HADHA: variants seen among roughly 807,000 people sequenced by gnomAD.
HADHA encodes hydroxyacyl-CoA dehydrogenase trifunctional multienzyme complex subunit alpha, also known as trifunctional enzyme subunit alpha, mitochondrial.
HADHA carries 59 observed loss-of-function variants against 91.3 expected under a neutral mutation model. That is an observed-to-expected ratio of 0.65 (90% CI 0.52 to 0.80). The LOEUF (loss-of-function observed/expected upper bound fraction) is 0.80. Ranked by LOEUF, HADHA falls within the 30% of genes least tolerant of loss-of-function variation. The probability of loss-of-function intolerance (pLI) is 0.00; values close to 1 mark genes in which losing one functional copy is unlikely to be tolerated. For synonymous variants in HADHA, 320 were observed against 338.9 expected (o/e 0.94, Z 0.61); for missense variants, 800 against 927.6 (o/e 0.86, Z 1.79).
At chr2:26,219,378 G>A (rs1300797690) in intron 7 of HADHA, among the ~76,000 whole-genome samples, 5 of 152,196 alleles carry the variant, frequency 3.3e-5, no homozygotes, top group Admixed American at 2.6e-4. Context: ...TGTCCACCTC[G>A]GCCTCCCGAA....
At chr2:26,219,034 A>G (rs1670306514) in intron 7 of HADHA, among the ~76,000 whole-genome samples, 1 of 151,638 alleles carries the variant, frequency 6.6e-6, no homozygotes, top group African/African-American at 2.4e-5. Context: ...GAAAGAAAGA[A>G]AATAGACTGT....
chr2:26,235,539 A>T (rs1483184421), intron 4 of HADHA, among the ~76,000 whole-genome samples: 2 of 152,250 alleles, frequency 1.3e-5, no homozygotes, highest in Non-Finnish European at 2.9e-5. Flanking sequence ...ACTGCCAGGT[A>T]CATCAGTGTC....
chr2:26,240,887 C>T (rs1180070995), intron 1 of HADHA, among the ~76,000 whole-genome samples: 1 of 152,216 alleles, frequency 6.6e-6, no homozygotes, highest in African/African-American at 2.4e-5. Flanking sequence ...CACACTCATA[C>T]ACAAAACCTC....
intron 10 of HADHA, among the ~76,000 whole-genome samples, chr2:26,211,610 A>G (rs1670102943): frequency 6.6e-6 from 1 of 152,210 alleles, no homozygotes; most frequent in African/African-American, 2.4e-5. Context: ...ATATATGCAA[A>G]TATTCCACTA....
At chr2:26,228,737 T>C (rs984800495) in intron 7 of HADHA, among the ~76,000 whole-genome samples, 1 of 152,200 alleles carries the variant, frequency 6.6e-6, no homozygotes, top group African/African-American at 2.4e-5. Flanking sequence ...AGTGGTGTGA[T>C]CATAGCTCAC....
intron 4 of HADHA, 73 bp from the exon 5 acceptor site, chr2:26,234,428 C>A: frequency 8.3e-7 from 1 of 1,211,850 alleles, no homozygotes; most frequent in Non-Finnish European, 1.2e-6. Flanking sequence ...TACTTATTCA[C>A]TATACACTTA....
chr2:26,236,807 A>C, intron 4 of HADHA, 48 bp downstream of exon 4: 1 of 1,450,790 alleles, frequency 6.9e-7, no homozygotes, highest in Non-Finnish European at 9.7e-7. Flanking sequence ...CCTAAGAAAC[A>C]CACTATTAAC....
rs951033358 is a variant in HADHA at position 26,221,624 on chromosome 2, G to A, written c.677-6449C>T. On this transcript the variant is annotated intron_variant, in intron 7 of 19. Coordinates refer to ENST00000380649, the MANE Select transcript of HADHA (RefSeq NM_000182.5). The surrounding 1 kb of genome is among the most constrained non-coding windows in gnomAD (Gnocchi z 4.8). ...TGAGGAAGTAGCCAAAATACCCCACGGCCCTGTTCTTCTTTGTCTCTTCCA... is the reference window on the plus strand; with the variant it reads ...TGAGGAAGTAGCCAAAATACCCCACAGCCCTGTTCTTCTTTGTCTCTTCCA... Among the ~76,000 whole-genome samples the A allele has an allele frequency of 3.9e-5, 6 of 152,124 alleles. No homozygotes were observed. Among genetic ancestry groups the A allele is most frequent in the African/African-American group, 1.4e-4 (6 of 41,422 alleles).
chr2:26,223,088 T>C (rs1670410906), intron 7 of HADHA, among the ~76,000 whole-genome samples: 1 of 152,134 alleles, frequency 6.6e-6, no homozygotes, highest in Non-Finnish European at 1.5e-5. Flanking sequence ...GCTCTGCCTG[T>C]CTAGAGGGCT....
intron 13 of HADHA, among the ~76,000 whole-genome samples, chr2:26,200,387 T>C (rs1004929863): frequency 2.6e-5 from 4 of 152,206 alleles, no homozygotes; most frequent in Non-Finnish European, 5.9e-5. Flanking sequence ...CCACTTCAAG[T>C]ACTTGTTTTG....
chr2:26,197,993 C>G (rs940189922), intron 13 of HADHA, among the ~76,000 whole-genome samples: 1 of 152,202 alleles, frequency 6.6e-6, no homozygotes, highest in Non-Finnish European at 1.5e-5. Flanking sequence ...CTGCCTTCCT[C>G]TAGTTATGGC....
chr2:26,203,930 T>C, intron 12 of HADHA, 132 bp downstream of exon 12: 1 of 899,096 alleles, frequency 1.1e-6, no homozygotes, highest in Non-Finnish European at 1.9e-6. Context: ...CTAGAACTCA[T>C]TATGTTCAGG....
At chr2:26,230,420 G>C in intron 6 of HADHA, 126 bp from the exon 7 acceptor site, 1 of 716,880 alleles carries the variant, frequency 1.4e-6, no homozygotes, top group Non-Finnish European at 2.5e-6. Context: ...TATGCTATTT[G>C]TCAACAGCAT....
intron 3 of HADHA, 72 bp from the exon 4 acceptor site, chr2:26,237,060 C>T (rs1670781101): frequency 9.7e-7 from 1 of 1,027,982 alleles, no homozygotes; most frequent in Non-Finnish European, 1.5e-6. Context: ...CCATCAAATG[C>T]TATTTTGATT....
At position 26,191,049 on chromosome 2, in the gene HADHA, A is replaced by T. The variant is rs894836015; in HGVS notation, c.*201T>A. 9.3e-6 allele frequency: 6 copies of T among 648,212 alleles called. No individual in the cohort carries two copies. Among genetic ancestry groups the T allele is most frequent in the African/African-American group, 8.9e-5 (5 of 55,948 alleles). The allele number at this position is 648,212 out of a possible 1,614,324, so 40.2% of individuals were successfully genotyped here. Reference sequence around the variant, plus strand: ...TGAGCAGTGGGCTCTACCTTCCAACAGGAAGTGCAAACTAATTCGAAGTCA... The same window carrying T: ...TGAGCAGTGGGCTCTACCTTCCAACTGGAAGTGCAAACTAATTCGAAGTCA... On this transcript the variant is annotated 3_prime_UTR_variant, in exon 20 of 20. Transcript: ENST00000380649.
chr2:26,191,156 G>C lies in HADHA; in HGVS notation c.*94C>G. On this transcript the variant is annotated 3_prime_UTR_variant, in exon 20 of 20. Coordinates refer to ENST00000380649, the MANE Select transcript of HADHA (RefSeq NM_000182.5). ...ACCCAGTGCCGGAGTTTGTCTTCTC[G>C]TTACTCTGATAAATCTAGACACCAC... is the stretch of plus-strand genomic sequence containing the variant. 7.6e-7 allele frequency: 1 copy of C among 1,317,886 alleles called. No homozygotes were observed. The highest frequency in any genetic ancestry group is 1.1e-6 in the Non-Finnish European group (1 of 916,248). The allele number at this position is 1,317,886 out of a possible 1,614,324, so 81.6% of individuals were successfully genotyped here. A position where few individuals can be genotyped will look rare whatever the true frequency, so the allele number is the denominator to read the frequency against.
rs1669504364 is a variant in HADHA at position 26,191,566 on chromosome 2, C to T, written c.2063G>A (p.Cys688Tyr). ...TGTGGCCAAGATCCCCTCTTGCAGGCACATGACTGCCTCATTCACAAATCT... is the reference window on the plus strand; with the variant it reads ...TGTGGCCAAGATCCCCTCTTGCAGGTACATGACTGCCTCATTCACAAATCT... ...VTRFVNEAVM[C>Y]LQEGILATPA... The change falls in exon 19 of 20, where the codon TGC (cysteine) becomes TAC (tyrosine). Residue 688 changes from cysteine (C) to tyrosine (Y), a missense_variant. By Grantham distance (194) the Cys-to-Tyr change is radical (BLOSUM62 -2). Transcript: ENST00000380649. The T allele has an allele frequency of 1.2e-6, 2 of 1,614,140 alleles. No homozygotes were observed. Among genetic ancestry groups the T allele is most frequent in the Non-Finnish European group, 1.7e-6 (2 of 1,179,956 alleles).
At chr2:26,237,710 T>C (rs895799900) in intron 3 of HADHA, among the ~76,000 whole-genome samples, 2 of 152,224 alleles carry the variant, frequency 1.3e-5, no homozygotes, top group Non-Finnish European at 2.9e-5. Context: ...CCATGGAAGA[T>C]ACCAAGAAAA....
Position 26,210,017 on chromosome 2 carries a change from G to A in HADHA, c.976-128C>T. On this transcript the variant is annotated intron_variant, in intron 10 of 19. Coordinates refer to ENST00000380649, the MANE Select transcript of HADHA (RefSeq NM_000182.5). The surrounding 1 kb of genome is among the most constrained non-coding windows in gnomAD (Gnocchi z 4.0). ...AGCCTGAGTCCCTGGGGATGCGGGG[G>A]AGTTTGGGGGTTCAGTGCTGCAGAA... The A allele has an allele frequency of 1.4e-6, 1 of 716,948 alleles. No homozygotes were observed. Among genetic ancestry groups the A allele is most frequent in the Non-Finnish European group, 2.6e-6 (1 of 391,426 alleles). The allele number at this position is 716,948 out of a possible 1,614,324, so 44.4% of individuals were successfully genotyped here.
Sources: gnomAD v4.1 joint callset for allele counts (sites outside exome capture counted in the v4.1 genomes callset) on GRCh38, gnomAD v4.1.1 for gene constraint, Gnocchi (gnomAD v3.1) non-coding constraint, MANE v1.5 for transcripts, NCBI Gene and HGNC (gene_info 2026-07-23, HGNC 2026-07-21) for gene names.